Variants in B3GAT2 observed in about 807,000 individuals in gnomAD.
The protein encoded by B3GAT2 is galactosylgalactosylxylosylprotein 3-beta-glucuronosyltransferase 2.
Under a neutral mutation model 27.8 loss-of-function variants are expected in B3GAT2, and 26 were observed. That is an observed-to-expected ratio of 0.93 (90% CI 0.68 to 1.30). The LOEUF (loss-of-function observed/expected upper bound fraction) is 1.30, where lower values mean the gene tolerates loss of function less well. Among genes scored for constraint, B3GAT2 ranks in the 50% most tolerant of loss-of-function variants. The probability of loss-of-function intolerance (pLI) is 0.00; values close to 1 mark genes in which losing one functional copy is unlikely to be tolerated. For missense variants in B3GAT2, 458 were observed against 459.0 expected, an observed-to-expected ratio of 1.00 and a Z score of 0.02; for synonymous variants, 218 against 195.1, an observed-to-expected ratio of 1.12 and a Z score of -0.98.
chr6:70,947,134 G>C (rs1765499973), intron 1 of B3GAT2, among the ~76,000 whole-genome samples: 1 of 151,894 alleles, frequency 6.6e-6, no homozygotes, highest in East Asian at 1.9e-4. Flanking sequence ...AAGCAGGAAA[G>C]ATTCAAAATT....
At chr6:70,919,813 C>CCCCTACTGGGATACCT (rs1582380612) in intron 1 of B3GAT2, among the ~76,000 whole-genome samples, 2 of 152,126 alleles carry the variant, frequency 1.3e-5, no homozygotes, top group East Asian at 3.9e-4. Context: ...TGTCTGTTGG[C>CCCCTACTGGGATACCT]CCCTACTGGG....
Position 70,859,024 on chromosome 6 carries a change from C to A in B3GAT2, c.*2639G>T, listed in dbSNP as rs552313603. On this transcript the variant is annotated 3_prime_UTR_variant, in exon 4 of 4. Coordinates refer to ENST00000230053, the MANE Select transcript of B3GAT2 (RefSeq NM_080742.3). ...TCCCACTCTTCTTCCTTTTACACTT[C>A]CCATTGATGTTCCTCCAGCATTTTG... is the stretch of plus-strand genomic sequence containing the variant. 4.8e-6 allele frequency: 1 copy of A among 208,228 alleles called. No homozygotes were observed. Among genetic ancestry groups the A allele is most frequent in the African/African-American group, 2.3e-5 (1 of 43,300 alleles). The allele number at this position is 208,228 out of a possible 1,614,324, so 12.9% of individuals were successfully genotyped here.
At chr6:70,872,568 AATTT>A (rs913442206) in intron 2 of B3GAT2, among the ~76,000 whole-genome samples, 1 of 125,790 alleles carries the variant, frequency 7.9e-6, no homozygotes, top group African/African-American at 3.0e-5. Context: ...TCTTGCTTTC[AATTT>A]ATTTGTGTCT....
In B3GAT2 at chr6:70,858,044, C is replaced by G; in HGVS notation, c.*3619G>C. On this transcript the variant is annotated 3_prime_UTR_variant, in exon 4 of 4. Coordinates refer to ENST00000230053, the MANE Select transcript of B3GAT2 (RefSeq NM_080742.3). Reference sequence around the variant, plus strand: ...TGGCCTTATAGGAAATGTGATGGGACAGAGTCCAAGCATGATGGTGGGCAT... The same window carrying G: ...TGGCCTTATAGGAAATGTGATGGGAGAGAGTCCAAGCATGATGGTGGGCAT... 6.2e-7 allele frequency: 1 copy of G among 1,614,106 alleles called. No individual in the cohort carries two copies. The highest frequency in any genetic ancestry group is 8.5e-7 in the Non-Finnish European group (1 of 1,180,002).
chr6:70,955,175 CAA>C (rs568676062), intron 1 of B3GAT2, among the ~76,000 whole-genome samples: 8 of 131,754 alleles, frequency 6.1e-5, no homozygotes, highest in Admixed American at 7.3e-5. Flanking sequence ...GGTTTTCTTG[CAA>C]AAAAAAAAAA....
intron 1 of B3GAT2, among the ~76,000 whole-genome samples, chr6:70,916,143 T>C (rs1198364013): frequency 1.3e-5 from 2 of 152,092 alleles, no homozygotes; most frequent in African/African-American, 4.8e-5. Flanking sequence ...TTCCTAGGTA[T>C]TTTATTCTCT....
rs981921868 is a variant in B3GAT2, at chr6:70,956,852, C to T, written c.-423G>A. ...CGGCGGTGCTGCGGGCACAAGGGCT[C>T]CAGCCGCGGGCCCCCAGGACGCTCT... On this transcript the variant is annotated 5_prime_UTR_variant, in exon 1 of 4. Coordinates refer to ENST00000230053, the MANE Select transcript of B3GAT2 (RefSeq NM_080742.3). 2 of 1,029,856 alleles carry T rather than the reference C, an allele frequency of 1.9e-6. No individual in the cohort carries two copies. The highest frequency in any genetic ancestry group is 5.4e-5 in the Admixed American group (1 of 18,514). The allele number at this position is 1,029,856 out of a possible 1,614,324, so 63.8% of individuals were successfully genotyped here.
intron 1 of B3GAT2, among the ~76,000 whole-genome samples, chr6:70,918,039 T>C (rs553129080): frequency 8.5e-5 from 13 of 152,324 alleles, no homozygotes; most frequent in African/African-American, 3.1e-4. Flanking sequence ...TCTAAGTCTC[T>C]TTGTAGACTT....
At chr6:70,869,464 G>A (rs1436127396) in intron 2 of B3GAT2, among the ~76,000 whole-genome samples, 1 of 152,158 alleles carries the variant, frequency 6.6e-6, no homozygotes. Context: ...GATAAAGATT[G>A]CATTGAATCT....
At chr6:70,927,562 A>T (rs1215179197) in intron 1 of B3GAT2, among the ~76,000 whole-genome samples, 2 of 152,226 alleles carry the variant, frequency 1.3e-5, no homozygotes, top group Non-Finnish European at 2.9e-5. Context: ...ACCAACAAAG[A>T]TCAAAAGAGA....
intron 1 of B3GAT2, among the ~76,000 whole-genome samples, chr6:70,899,577 G>A (rs758632601): frequency 1.3e-5 from 2 of 151,808 alleles, no homozygotes; most frequent in Non-Finnish European, 2.9e-5. Context: ...CATATAATTA[G>A]TTTAAAAACT....
At chr6:70,863,886 A>G (rs569163694) in intron 2 of B3GAT2, among the ~76,000 whole-genome samples, 24 of 152,158 alleles carry the variant, frequency 1.6e-4, no homozygotes, top group African/African-American at 5.5e-4. Context: ...TGTGATAGCA[A>G]CTCTGGTAAC....
intron 2 of B3GAT2, among the ~76,000 whole-genome samples, chr6:70,890,159 C>T (rs1320057935): frequency 2.6e-5 from 4 of 152,154 alleles, no homozygotes; most frequent in African/African-American, 9.7e-5. Flanking sequence ...CCTCTTCCCA[C>T]ATCCAATAAC....
At chr6:70,951,990 G>A (rs927632270) in intron 1 of B3GAT2, among the ~76,000 whole-genome samples, 4 of 151,988 alleles carry the variant, frequency 2.6e-5, no homozygotes, top group Non-Finnish European at 4.4e-5. Context: ...AACATAAATA[G>A]AAGTACTATT....
chr6:70,860,677 A>G lies in B3GAT2; in HGVS notation c.*986T>C. ...GGGAAGTAGTTATCATGTTAGTAAT[A>G]CCTCTAATAGTATAAACCCCACCCC... On this transcript the variant is annotated 3_prime_UTR_variant, in exon 4 of 4. Transcript: ENST00000230053. 1 of 415,244 alleles carries G rather than the reference A, an allele frequency of 2.4e-6. No individual in the cohort carries two copies. Among genetic ancestry groups the G allele is most frequent in the South Asian group, 9.9e-5 (1 of 10,108 alleles). The allele number at this position is 415,244 out of a possible 1,614,324, so 25.7% of individuals were successfully genotyped here. A position where few individuals can be genotyped will look rare whatever the true frequency, so the allele number is the denominator to read the frequency against.
At position 70,902,617 on chromosome 6, in the gene B3GAT2, G is replaced by GATATATATATAT. The variant is rs61150776; in HGVS notation, c.592-8357_592-8346dup. 8.9e-4 allele frequency among the ~76,000 whole-genome samples: 112 copies of GATATATATATAT among 125,244 alleles called. 1 individual carries two copies. Among genetic ancestry groups the GATATATATATAT allele is most frequent in the East Asian group, 1.6e-3 (7 of 4,330 alleles). The allele number at this position is 125,244 out of a possible 152,430, so 82.2% of individuals were successfully genotyped here. ...ACAGATGAATGGATTAAGAAAATGG[G>GATATATATATAT]ATATATATATATATATATATACACA... is the stretch of plus-strand genomic sequence containing the variant. On this transcript the variant is annotated intron_variant, in intron 1 of 3. Coordinates refer to ENST00000230053, the MANE Select transcript of B3GAT2 (RefSeq NM_080742.3).
At chr6:70,897,551 C>CA (rs1214798311) in intron 1 of B3GAT2, among the ~76,000 whole-genome samples, 1 of 151,000 alleles carries the variant, frequency 6.6e-6, no homozygotes. Context: ...CCAGCCTGGC[C>CA]AACATGGTGA....
chr6:70,940,882 A>G (rs1765381931), intron 1 of B3GAT2, among the ~76,000 whole-genome samples: 1 of 152,120 alleles, frequency 6.6e-6, no homozygotes, highest in Admixed American at 6.6e-5. Context: ...GAGCCAGGTT[A>G]GCATCCTCCT....
intron 2 of B3GAT2, among the ~76,000 whole-genome samples, chr6:70,875,363 G>C (rs1318836202): frequency 6.6e-6 from 1 of 152,100 alleles, no homozygotes; most frequent in Non-Finnish European, 1.5e-5. Context: ...ATTGATTTAG[G>C]AATCATTTCC....
Sources: gnomAD v4.1 joint callset for allele counts (sites outside exome capture counted in the v4.1 genomes callset) on GRCh38, gnomAD v4.1.1 for gene constraint, MANE v1.5 for transcripts, NCBI Gene and HGNC (gene_info 2026-07-23, HGNC 2026-07-21) for gene names.